Variants in PCDHA12 observed in about 807,000 individuals in gnomAD.
PCDHA12 encodes protocadherin alpha-12.
In PCDHA12, 44 loss-of-function variants were observed where a neutral mutation model predicts 60.0. That is an observed-to-expected ratio of 0.73 (90% CI 0.58 to 0.94). PCDHA12 has a LOEUF of 0.94. PCDHA12 is among the 40% of genes least tolerant of loss of function. The probability of loss-of-function intolerance (pLI) is 0.00; values close to 1 mark genes in which losing one functional copy is unlikely to be tolerated. For synonymous variants in PCDHA12, 569 were observed against 553.0 expected (o/e 1.03, Z -0.40); for missense variants, 1,276 against 1,239.7 (o/e 1.03, Z -0.44).
chr5:141,001,130 T>C (rs1233424080), intron 3 of PCDHA12, among the ~76,000 whole-genome samples: 1 of 152,036 alleles, frequency 6.6e-6, no homozygotes, highest in African/African-American at 2.4e-5. Context: ...CTTAAACAAA[T>C]GAATCTTCTG....
chr5:140,928,757 G>T (rs372744198), intron 1 of PCDHA12: 1 of 1,614,092 alleles, frequency 6.2e-7, no homozygotes, highest in African/African-American at 1.3e-5. Context: ...CGTACTGCTC[G>T]CTTAGTTCTT....
At chr5:140,983,457 G>A (rs1354592991) in intron 3 of PCDHA12, among the ~76,000 whole-genome samples, 4 of 152,182 alleles carry the variant, frequency 2.6e-5, no homozygotes, top group Non-Finnish European at 4.4e-5. Flanking sequence ...TCTATTAATA[G>A]AACATCATGA....
intron 1 of PCDHA12, chr5:140,969,257 AATC>A (rs782398697): frequency 1.2e-6 from 2 of 1,614,102 alleles, no homozygotes; most frequent in African/African-American, 2.7e-5. Context: ...TGACAGCAGG[AATC>A]TCACAGGCCA....
chr5:140,913,572 T>C (rs1000646852), intron 1 of PCDHA12, among the ~76,000 whole-genome samples: 1 of 152,146 alleles, frequency 6.6e-6, no homozygotes, highest in Non-Finnish European at 1.5e-5. Context: ...TTTCATCATT[T>C]CAAATATATT....
In PCDHA12 at chr5:140,882,102, C is replaced by A. The variant is rs2058951166; in HGVS notation, c.2367+4263C>A. 1.4e-5 allele frequency: 18 copies of A among 1,308,166 alleles called. No individual in the cohort carries two copies. In the South Asian group the frequency reaches 2.1e-4, roughly 16 times the overall value. 81.0% of individuals were successfully genotyped at this position (1,308,166 alleles called of 1,614,324 possible). On this transcript the variant is annotated intron_variant, in intron 1 of 3. Transcript: ENST00000398631. ...TCGCTCTTCACTGAGAACGTTTCCG[C>A]GAAGAAAGCCGCCGTTTCTTTCTTC...
intron 3 of PCDHA12, among the ~76,000 whole-genome samples, chr5:140,993,183 A>C (rs551464442): frequency 2.7e-4 from 41 of 152,298 alleles, no homozygotes; most frequent in Non-Finnish European, 5.0e-4. Flanking sequence ...ATTTCTTTAG[A>C]GGGAAACTCA....
In PCDHA12 at chr5:140,877,120, A is replaced by G. The variant is rs782093528; in HGVS notation, c.1648A>G (p.Thr550Ala). ...AGVPPLGSNV[T>A]LQVFVLDEND... ...CGTGCCGCCTCTGGGCAGCAACGTG[A>G]CGCTGCAGGTGTTCGTGCTGGACGA... The change falls in exon 1 of 4, where the codon ACG (threonine) becomes GCG (alanine). Residue 550 changes from threonine to alanine, a missense_variant. Physicochemically the swap from Thr to Ala is moderately conservative, Grantham distance 58. Transcript: ENST00000398631. The G allele has an allele frequency of 2.5e-6, 4 of 1,613,684 alleles. No homozygotes were observed. Among genetic ancestry groups the G allele is most frequent in the East Asian group, 4.5e-5 (2 of 44,870 alleles).
intron 1 of PCDHA12, among the ~76,000 whole-genome samples, chr5:140,964,595 T>G (rs1233382494): frequency 6.6e-6 from 1 of 152,116 alleles, no homozygotes; most frequent in East Asian, 1.9e-4. Context: ...TCACTTTTCA[T>G]GACAACTTAC....
In PCDHA12 at chr5:140,985,515, T is replaced by G. The variant is rs529024123; in HGVS notation, c.2515+2952T>G. The stretch of plus-strand genomic sequence containing the variant: ...AGAGCCTGCCTTTCATTGATTCTGT[T>G]GCCCTTAAAGCTTCACGGTGAAGAT... On this transcript the variant is annotated intron_variant, in intron 3 of 3. Transcript: ENST00000398631. Among the ~76,000 whole-genome samples, 8 of 152,284 alleles carry G rather than the reference T, an allele frequency of 5.3e-5. No individual in the cohort carries two copies. In the South Asian group the frequency reaches 1.7e-3, roughly 32 times the overall value.
At chr5:140,918,115 A>G (rs185486488) in intron 1 of PCDHA12, among the ~76,000 whole-genome samples, 14 of 152,198 alleles carry the variant, frequency 9.2e-5, no homozygotes, top group African/African-American at 3.1e-4. Flanking sequence ...CACATCCTTG[A>G]TTAGCCATAT....
chr5:141,007,416 AAATT>A (rs2098327486), intron 3 of PCDHA12, among the ~76,000 whole-genome samples: 1 of 149,348 alleles, frequency 6.7e-6, no homozygotes, highest in Non-Finnish European at 1.5e-5. Context: ...AAAAAAAAAA[AAATT>A]AGCCAGGCAT....
At chr5:140,969,935 T>C (rs1490184904) in intron 1 of PCDHA12, among the ~76,000 whole-genome samples, 2 of 152,222 alleles carry the variant, frequency 1.3e-5, no homozygotes, top group Non-Finnish European at 2.9e-5. Context: ...TTAGACATCA[T>C]ACTGAAGCTA....
At position 140,982,439 on chromosome 5, in the gene PCDHA12, G is replaced by A. The variant is rs553328430; in HGVS notation, c.2427-36G>A. The A allele has an allele frequency of 6.8e-5, 109 of 1,613,560 alleles. 3 individuals carry two copies. In the South Asian group the frequency reaches 1.0e-3, roughly 15 times the overall value. On this transcript the variant is annotated intron_variant, in intron 2 of 3. Transcript: ENST00000398631. ...GAAGAAGAGATGGGAAAGAATTTAT[G>A]ATCTAACCGTTATCTGGGTCTGTGT... is the stretch of plus-strand genomic sequence containing the variant.
intron 3 of PCDHA12, among the ~76,000 whole-genome samples, chr5:141,006,264 T>C (rs2098264343): frequency 6.6e-6 from 1 of 152,148 alleles, no homozygotes; most frequent in Non-Finnish European, 1.5e-5. Flanking sequence ...CAGGCTGGAC[T>C]GCAGTGGCAC....
At chr5:140,992,606 G>A (rs1554253052) in intron 3 of PCDHA12, among the ~76,000 whole-genome samples, 1 of 152,188 alleles carries the variant, frequency 6.6e-6, no homozygotes. Flanking sequence ...CTGTGTCTAA[G>A]TGAAAGCAGA....
At chr5:140,972,415 A>G (rs1048437043) in intron 1 of PCDHA12, among the ~76,000 whole-genome samples, 2 of 152,138 alleles carry the variant, frequency 1.3e-5, no homozygotes, top group East Asian at 3.9e-4. Flanking sequence ...AACCCTGTTA[A>G]GATCTTTTAT....
At chr5:140,894,793 T>C (rs1269028222) in intron 1 of PCDHA12, among the ~76,000 whole-genome samples, 2 of 152,170 alleles carry the variant, frequency 1.3e-5, no homozygotes, top group Non-Finnish European at 2.9e-5. Flanking sequence ...TGTCCTCTCC[T>C]TTAAAAATAA....
chr5:140,928,288 C>CA (rs1554205700), intron 1 of PCDHA12: 1 of 1,614,156 alleles, frequency 6.2e-7, no homozygotes, highest in East Asian at 2.2e-5. Flanking sequence ...CTCTCTAGGC[C>CA]GAGTGTTTGC....
At chr5:140,900,439 G>A (rs1348507716) in intron 1 of PCDHA12, among the ~76,000 whole-genome samples, 1 of 152,242 alleles carries the variant, frequency 6.6e-6, no homozygotes, top group East Asian at 1.9e-4. Context: ...CACCACGGCC[G>A]GCTAATTTTT....
Sources: gnomAD v4.1 joint callset for allele counts (sites outside exome capture counted in the v4.1 genomes callset) on GRCh38, gnomAD v4.1.1 for gene constraint, MANE v1.5 for transcripts, NCBI Gene and HGNC (gene_info 2026-07-23, HGNC 2026-07-21) for gene names.